Variants in ADGRF1 observed in about 807,000 individuals in gnomAD.
ADGRF1 encodes G protein-coupled receptor 110.
A neutral mutation model predicts 87.2 loss-of-function variants in ADGRF1; 85 were observed. The observed-to-expected ratio is 0.97, with a 90% CI of 0.82 to 1.17. The LOEUF (loss-of-function observed/expected upper bound fraction) is 1.17. ADGRF1 is among the 50% of genes most tolerant of loss of function. ADGRF1 has a pLI of 0.00. For missense variants in ADGRF1, 1,169 were observed against 1,077.2 expected, an observed-to-expected ratio of 1.09 and a Z score of -1.19; for synonymous variants, 430 against 408.8, an observed-to-expected ratio of 1.05 and a Z score of -0.63.
rs1384292940 is a variant in ADGRF1 at position 47,026,017 on chromosome 6, G to A, written c.128-14C>T. 6.4e-7 allele frequency: 1 copy of A among 1,555,720 alleles called. No homozygotes were observed. The highest frequency in any genetic ancestry group is 8.7e-7 in the Non-Finnish European group (1 of 1,149,906). ...CTTCGACTGGGCCTAAAGAGAGAAA[G>A]AGAGTCAGAAACCTTTTTTTCTGTC... On this transcript the variant is annotated splice_polypyrimidine_tract_variant and intron_variant, in intron 3 of 14. Transcript: ENST00000371253.
intron 1 of ADGRF1, among the ~76,000 whole-genome samples, chr6:47,040,499 A>C (rs927448464): frequency 9.3e-5 from 14 of 150,380 alleles, no homozygotes; most frequent in African/African-American, 2.4e-4. Flanking sequence ...AAAAAAAAAA[A>C]CAGGCAAAAT....
chr6:47,000,248 G>A lies in ADGRF1; in HGVS notation c.2707C>T (p.Leu903=), dbSNP rs758606442. Residue 903 remains leucine (L), a synonymous_variant, in exon 15 of 15, where the codon CTA becomes TTA. Coordinates refer to ENST00000371253, the MANE Select transcript of ADGRF1 (RefSeq NM_153840.4). ...HTGDSSDNIM[L]TQFVSNE is the part of the protein sequence containing the mutation. ...TATTCATTTGAGACAAACTGAGTTA[G>A]CATGATGTTGTCGGAGGAATCTCCA... 1.3e-5 allele frequency: 21 copies of A among 1,608,016 alleles called. No individual in the cohort carries two copies. Among genetic ancestry groups the A allele is most frequent in the South Asian group, 1.0e-4 (9 of 90,362 alleles).
chr6:47,002,463 G>A lies in ADGRF1; in HGVS notation c.2593-896C>T, dbSNP rs555539683. ...AATAATTAATTTTCTAGAATTCAGG[G>A]CTCAGCAAACATTTAATGCTATAAA... On this transcript the variant is annotated intron_variant, in intron 13 of 14. Coordinates refer to ENST00000371253, the MANE Select transcript of ADGRF1 (RefSeq NM_153840.4). Among the ~76,000 whole-genome samples the A allele has an allele frequency of 5.0e-4, 76 of 151,936 alleles. 1 individual carries two copies. Among genetic ancestry groups the A allele is most frequent in the Non-Finnish European group, 9.4e-4 (64 of 67,982 alleles).
At chr6:47,041,288 T>C (rs181448760) in intron 1 of ADGRF1, among the ~76,000 whole-genome samples, 39 of 152,358 alleles carry the variant, frequency 2.6e-4, no homozygotes, top group African/African-American at 8.7e-4. Context: ...TATTCTAACA[T>C]ATTAAAGAAT....
At chr6:47,028,661 C>A (rs992469815) in intron 2 of ADGRF1, among the ~76,000 whole-genome samples, 1 of 152,158 alleles carries the variant, frequency 6.6e-6, no homozygotes, top group Non-Finnish European at 1.5e-5. Flanking sequence ...AAGACAGTGT[C>A]TAAGGATTGC....
chr6:47,008,275 C>A (rs1779587734), intron 11 of ADGRF1, among the ~76,000 whole-genome samples: 1 of 152,172 alleles, frequency 6.6e-6, no homozygotes, highest in South Asian at 2.1e-4. Flanking sequence ...CCAGATTCAT[C>A]AAAACCTAAT....
chr6:47,029,758 A>AC (rs1369457187), intron 1 of ADGRF1, among the ~76,000 whole-genome samples: 3 of 152,204 alleles, frequency 2.0e-5, no homozygotes, highest in Admixed American at 6.5e-5. Context: ...GGCTATCTAA[A>AC]TTTCAATTAC....
intron 1 of ADGRF1, among the ~76,000 whole-genome samples, chr6:47,038,164 G>T (rs765885195): frequency 3.9e-5 from 6 of 152,108 alleles, no homozygotes; most frequent in Non-Finnish European, 7.4e-5. Context: ...TCCGGCCGAA[G>T]AATGTGTTTT....
At chr6:47,027,533 A>T (rs1780275428) in intron 3 of ADGRF1, among the ~76,000 whole-genome samples, 171 bp downstream of exon 3, 2 of 152,186 alleles carry the variant, frequency 1.3e-5, no homozygotes. Flanking sequence ...GATATTATTT[A>T]ATCTTCACAA....
At chr6:47,008,813 TC>T (rs1779603718) in intron 11 of ADGRF1, 131 bp downstream of exon 11, 1 of 738,224 alleles carries the variant, frequency 1.4e-6, no homozygotes, top group Admixed American at 2.6e-5. Context: ...ATTTATTGTT[TC>T]CATGCAGTTT....
chr6:47,019,431 C>T, intron 7 of ADGRF1: 1 of 945,866 alleles, frequency 1.1e-6, no homozygotes, highest in Non-Finnish European at 1.3e-6. Context: ...CACCTGTAAT[C>T]CCAGCACTTT....
intron 4 of ADGRF1, among the ~76,000 whole-genome samples, chr6:47,024,926 T>C (rs1254160080): frequency 6.6e-6 from 1 of 152,220 alleles, no homozygotes; most frequent in Non-Finnish European, 1.5e-5. Flanking sequence ...AGGACACTTG[T>C]AACAGGAGAG....
At chr6:47,021,185 G>T (rs1381321256) in intron 6 of ADGRF1, among the ~76,000 whole-genome samples, 1 of 152,020 alleles carries the variant, frequency 6.6e-6, no homozygotes, top group Non-Finnish European at 1.5e-5. Context: ...TATTTGCTCG[G>T]GTCTTCAGTT....
chr6:47,024,050 T>G lies in ADGRF1; in HGVS notation c.445A>C (p.Arg149=), dbSNP rs1780151968. Residue 149 remains arginine (R), a synonymous_variant, in exon 5 of 15, where the codon AGA becomes CGA. Transcript: ENST00000371253. ...NLSQSVNFCE[R]TKIWGTFKIN... ...AGCATTCTTAGTTGCTTACTTGTTC[T>G]CTCACAGAAATTGACACTCTGGCTG... 6.2e-7 allele frequency: 1 copy of G among 1,613,530 alleles called. No homozygotes were observed. The highest frequency in any genetic ancestry group is 1.3e-5 in the African/African-American group (1 of 74,930).
At chr6:47,038,719 C>T (rs952048417) in intron 1 of ADGRF1, among the ~76,000 whole-genome samples, 2 of 152,194 alleles carry the variant, frequency 1.3e-5, no homozygotes, top group Non-Finnish European at 2.9e-5. Flanking sequence ...TAATGAGGCC[C>T]TTTTCCTATA....
In ADGRF1 at chr6:47,009,370, C is replaced by G. The variant is rs766628746; in HGVS notation, c.2065G>C (p.Val689Leu). The G allele has an allele frequency of 6.8e-6, 11 of 1,613,924 alleles. No individual in the cohort carries two copies. In the East Asian group the frequency reaches 1.6e-4, roughly 23 times the overall value. ...GILLAYRIILVFHHMAQHLMM... is the reference protein window; with the variant it reads ...GILLAYRIILLFHHMAQHLMM... ...AAATGCTGGGCCATGTGATGGAACACGAGGATGATCCGGTAAGCCAGCAGG... is the reference window on the plus strand; with the variant it reads ...AAATGCTGGGCCATGTGATGGAACAGGAGGATGATCCGGTAAGCCAGCAGG... Residue 689 changes from valine to leucine, a missense_variant, in exon 11 of 15, where the codon GTG becomes CTG. Coordinates refer to ENST00000371253, the MANE Select transcript of ADGRF1 (RefSeq NM_153840.4).
intron 7 of ADGRF1, chr6:47,019,502 T>A (rs1779975857): frequency 2.7e-6 from 1 of 376,618 alleles, no homozygotes; most frequent in African/African-American, 2.2e-5. Context: ...GCTAACACGG[T>A]GAAACCCCAT....
Position 47,012,176 on chromosome 6 carries a change from C to T in ADGRF1, c.947G>A (p.Gly316Asp). The stretch of plus-strand genomic sequence containing the variant: ...TGACACAGCTGCCTCAGTGGCATTG[C>T]CTACAATCATACTGAAATTCTAGAA... ...ELNKNFSMIV[G>D]NATEAAVSSF... The change falls in exon 10 of 15, where the codon GGC becomes GAC. Residue 316 changes from glycine to aspartate, a missense_variant. Transcript: ENST00000371253. 12 of 1,610,366 alleles carry T rather than the reference C, an allele frequency of 7.5e-6. No individual in the cohort carries two copies. Among genetic ancestry groups the T allele is most frequent in the Non-Finnish European group, 1.0e-5 (12 of 1,176,786 alleles).
rs1218475041 is a variant in ADGRF1 at position 47,014,785 on chromosome 6, A to G, written c.823T>C (p.Cys275Arg). 7 of 1,614,094 alleles carry G rather than the reference A, an allele frequency of 4.3e-6. No individual in the cohort carries two copies. In the South Asian group the frequency reaches 6.6e-5, roughly 15 times the overall value. Residue 275 changes from cysteine (C) to arginine (R), a missense_variant, in exon 9 of 15, where the codon TGC becomes CGC. Transcript: ENST00000371253. ...GSKDDEYTLP[C>R]SSGYRGNITA... is the part of the protein sequence containing the mutation. ...ATGTTTCCCCTGTAGCCACTGCTGCAGGGCAGGGTATATTCATCATCCTTG... is the reference window on the plus strand; with the variant it reads ...ATGTTTCCCCTGTAGCCACTGCTGCGGGGCAGGGTATATTCATCATCCTTG...
Sources: gnomAD v4.1 joint callset for allele counts (sites outside exome capture counted in the v4.1 genomes callset) on GRCh38, gnomAD v4.1.1 for gene constraint, MANE v1.5 for transcripts, NCBI Gene and HGNC (gene_info 2026-07-23, HGNC 2026-07-21) for gene names.